Variants in PHLPP1 observed in about 807,000 individuals in gnomAD.
PHLPP1 encodes PH domain and leucine rich repeat protein phosphatase 1.
A neutral mutation model predicts 117.2 loss-of-function variants in PHLPP1; 42 were observed. The ratio of observed to expected loss-of-function variants is 0.36; its 90% confidence interval spans 0.28 to 0.46. The LOEUF is 0.46. Ranked by LOEUF, PHLPP1 falls within the 20% of genes least tolerant of loss-of-function variation. PHLPP1 has a pLI of 1.00. For synonymous variants in PHLPP1, 1,042 were observed against 970.7 expected (o/e 1.07, Z -1.37); for missense variants, 2,084 against 2,241.9 (o/e 0.93, Z 1.42).
chr18:62,856,423 A>G (rs1915499815), intron 3 of PHLPP1, among the ~76,000 whole-genome samples: 1 of 152,036 alleles, frequency 6.6e-6, no homozygotes, highest in Non-Finnish European at 1.5e-5. Flanking sequence ...CGGACATGCC[A>G]AGTGTGCTCC....
intron 4 of PHLPP1, among the ~76,000 whole-genome samples, chr18:62,885,383 C>T (rs1022052420): frequency 6.6e-5 from 10 of 152,220 alleles, no homozygotes; most frequent in East Asian, 1.9e-4. Context: ...TTATATTGGC[C>T]GGGCGTGGTG....
intron 1 of PHLPP1, among the ~76,000 whole-genome samples, chr18:62,824,703 A>G (rs1426581994): frequency 6.6e-6 from 1 of 152,196 alleles, no homozygotes. Flanking sequence ...ATTTTGCAAA[A>G]ACAATTCATG....
chr18:62,721,980 TG>T (rs1464960685), intron 1 of PHLPP1, among the ~76,000 whole-genome samples: 2 of 152,212 alleles, frequency 1.3e-5, no homozygotes, highest in Non-Finnish European at 2.9e-5. Flanking sequence ...GTTTAACATT[TG>T]TTGAATTTAA....
At chr18:62,816,583 A>G (rs1489446338) in intron 1 of PHLPP1, among the ~76,000 whole-genome samples, 1 of 151,722 alleles carries the variant, frequency 6.6e-6, no homozygotes, top group African/African-American at 2.4e-5. Context: ...ATAAAAATAA[A>G]TAATAAAAAA....
intron 5 of PHLPP1, 83 bp from the exon 6 acceptor site, chr18:62,895,698 C>A: frequency 1.1e-6 from 1 of 899,702 alleles, no homozygotes. Context: ...GTAATACGGT[C>A]TACACTTATG....
chr18:62,749,970 G>A (rs1427929918), intron 1 of PHLPP1, among the ~76,000 whole-genome samples: 5 of 152,066 alleles, frequency 3.3e-5, no homozygotes, highest in African/African-American at 1.2e-4. Context: ...GAGCCAAGAT[G>A]GCGCCACTGC....
In PHLPP1 at chr18:62,808,383, A is replaced by G. The variant is rs1034627088; in HGVS notation, c.1577-21652A>G. Among the ~76,000 whole-genome samples the G allele has an allele frequency of 4.6e-5, 7 of 151,032 alleles. No individual in the cohort carries two copies. In the East Asian group the frequency reaches 7.7e-4, roughly 17 times the overall value. ...TGAAGAAGACTGGGCTGGAGATAGA[A>G]ATTGGGAAGTTGACAGTATGATGTA... is the stretch of plus-strand genomic sequence containing the variant. On this transcript the variant is annotated intron_variant, in intron 1 of 16. Coordinates refer to ENST00000262719, the MANE Select transcript of PHLPP1 (RefSeq NM_194449.4).
chr18:62,763,604 C>T (rs1215297218), intron 1 of PHLPP1, among the ~76,000 whole-genome samples: 1 of 152,192 alleles, frequency 6.6e-6, no homozygotes, highest in African/African-American at 2.4e-5. Context: ...TCTGATTCCT[C>T]TCAGATCTTA....
intron 4 of PHLPP1, among the ~76,000 whole-genome samples, chr18:62,874,554 T>C (rs1251569276): frequency 6.6e-6 from 1 of 152,136 alleles, no homozygotes; most frequent in East Asian, 1.9e-4. Context: ...TTTTTCCAGT[T>C]CAGGTTGCTG....
At chr18:62,890,603 C>T (rs1425122899) in intron 4 of PHLPP1, among the ~76,000 whole-genome samples, 1 of 152,178 alleles carries the variant, frequency 6.6e-6, no homozygotes, top group East Asian at 1.9e-4. Flanking sequence ...GCATTTTCCT[C>T]ATTCAGCGTA....
At chr18:62,767,485 G>A (rs1912587347) in intron 1 of PHLPP1, among the ~76,000 whole-genome samples, 2 of 152,130 alleles carry the variant, frequency 1.3e-5, no homozygotes, top group African/African-American at 2.4e-5. Flanking sequence ...CCATTCTTCC[G>A]TACATGAAAA....
At chr18:62,868,022 G>A (rs1915810361) in intron 4 of PHLPP1, among the ~76,000 whole-genome samples, 1 of 152,210 alleles carries the variant, frequency 6.6e-6, no homozygotes, top group African/African-American at 2.4e-5. Flanking sequence ...GTTTTAGCCA[G>A]GATGGTCTCG....
chr18:62,941,427 T>C (rs1290411274), intron 10 of PHLPP1, among the ~76,000 whole-genome samples: 1 of 152,236 alleles, frequency 6.6e-6, no homozygotes, highest in Non-Finnish European at 1.5e-5. Context: ...CATATCACTT[T>C]CTCTTCCACT....
intron 13 of PHLPP1, among the ~76,000 whole-genome samples, chr18:62,962,433 G>A (rs905414189): frequency 2.0e-5 from 3 of 152,046 alleles, no homozygotes; most frequent in Admixed American, 2.0e-4. Context: ...TCAGCCTCCC[G>A]AGTAGCTGGA....
Position 62,716,376 on chromosome 18 carries a change from C to A in PHLPP1, c.693C>A (p.Ala231=). 6.8e-6 allele frequency: 10 copies of A among 1,468,320 alleles called. No individual in the cohort carries two copies. The highest frequency in any genetic ancestry group is 1.3e-5 in the South Asian group (1 of 74,652). 91.0% of individuals were successfully genotyped at this position (1,468,320 alleles called of 1,614,324 possible). The change falls in exon 1 of 17, where the codon GCC becomes GCA. Residue 231 remains alanine, a synonymous_variant. Transcript: ENST00000262719. This position sits in a 1 kb window ranked among gnomAD's most constrained non-coding sequence, Gnocchi z 5.7. ...TGGACACCACGGCCGGCGAGGTGGC[C>A]GCCCGCCTGCTGCAGCTGGGCCACA... ...CTLDTTAGEV[A]ARLLQLGHKG...
chr18:62,898,833 T>C (rs1394859517), intron 6 of PHLPP1, among the ~76,000 whole-genome samples: 1 of 152,064 alleles, frequency 6.6e-6, no homozygotes, highest in Non-Finnish European at 1.5e-5. Context: ...ACGGAATTTC[T>C]TGTTGCCCAG....
At chr18:62,959,002 A>G (rs1041964801) in intron 13 of PHLPP1, among the ~76,000 whole-genome samples, 2 of 152,244 alleles carry the variant, frequency 1.3e-5, no homozygotes, top group African/African-American at 4.8e-5. Flanking sequence ...TTTAAAAGAG[A>G]TGGATGATGT....
intron 10 of PHLPP1, among the ~76,000 whole-genome samples, chr18:62,929,031 A>T (rs1243085761): frequency 1.3e-5 from 2 of 152,258 alleles, no homozygotes; most frequent in Non-Finnish European, 2.9e-5. Flanking sequence ...TCTTTATGGA[A>T]TGATGAAACT....
chr18:62,796,522 C>T (rs1312029505), intron 1 of PHLPP1, among the ~76,000 whole-genome samples: 1 of 152,208 alleles, frequency 6.6e-6, no homozygotes, highest in African/African-American at 2.4e-5. Flanking sequence ...CCTTTCCCTG[C>T]CAAGGTCCCA....
Sources: gnomAD v4.1 joint callset for allele counts (sites outside exome capture counted in the v4.1 genomes callset) on GRCh38, gnomAD v4.1.1 for gene constraint, Gnocchi (gnomAD v3.1) non-coding constraint, MANE v1.5 for transcripts, NCBI Gene and HGNC (gene_info 2026-07-23, HGNC 2026-07-21) for gene names.